The following STMND1 variants were observed in gnomAD, a reference collection of about 807,000 sequenced individuals.
STMND1 encodes stathmin domain containing 1.
Under a neutral mutation model 23.0 loss-of-function variants are expected in STMND1, and 17 were observed. That is an observed-to-expected ratio of 0.74 (90% confidence interval 0.51 to 1.11). The LOEUF (loss-of-function observed/expected upper bound fraction) is 1.11. STMND1 is among the 50% of genes least tolerant of loss of function. STMND1 has a pLI of 0.00. For synonymous variants in STMND1, 114 were observed against 119.9 expected (o/e 0.95, Z 0.32); for missense variants, 305 against 329.1 (o/e 0.93, Z 0.57).
chr6:17,102,373 G>A (rs556783938), intron 1 of STMND1, 35 bp downstream of exon 1: 16 of 1,520,230 alleles, frequency 1.1e-5, no homozygotes, highest in East Asian at 2.5e-5. Context: ...CAAACAAACA[G>A]ACAGAAAGCC....
In STMND1 at chr6:17,129,223, G is replaced by A. The variant is rs1474667444; in HGVS notation, c.523G>A (p.Ala175Thr). The A allele has an allele frequency of 1.3e-6, 2 of 1,535,862 alleles. No individual in the cohort carries two copies. The highest frequency in any genetic ancestry group is 1.7e-6 in the Non-Finnish European group (2 of 1,146,834). Residue 175 changes from alanine (A) to threonine (T), a missense_variant, in exon 4 of 5, where the codon GCT becomes ACT. Ala to Thr is a moderately conservative substitution (Grantham distance 58, BLOSUM62 0). Transcript: ENST00000536551. ...GAAGGACATCGAGGAGAAGATGGAG[G>A]CTGCCGAGGAGCGCAGGAAGGTAGT... The part of the protein sequence containing the change: ...TMKDIEEKME[A>T]AEERRKTKEE...
intron 1 of STMND1, among the ~76,000 whole-genome samples, chr6:17,112,202 C>A (rs1162095479): frequency 6.6e-6 from 1 of 152,126 alleles, no homozygotes; most frequent in Non-Finnish European, 1.5e-5. Context: ...TATAAATTTG[C>A]CTATTCTCAA....
At chr6:17,105,857 G>A (rs1250468455) in intron 1 of STMND1, among the ~76,000 whole-genome samples, 2 of 150,180 alleles carry the variant, frequency 1.3e-5, no homozygotes, top group African/African-American at 4.9e-5. Flanking sequence ...CCTGGGAGGC[G>A]GAACTTGCAG....
In STMND1 at chr6:17,106,761, T is replaced by G. The variant is rs527296636; in HGVS notation, c.81+4423T>G. On this transcript the variant is annotated intron_variant, in intron 1 of 4. Coordinates refer to ENST00000536551, the MANE Select transcript of STMND1 (RefSeq NM_001190766.2). ...TGTTTGCTTGCATGAAATATTTATGTTTCTTAGTAACATGACTTTAAAATA... is the reference window on the plus strand; with the variant it reads ...TGTTTGCTTGCATGAAATATTTATGGTTCTTAGTAACATGACTTTAAAATA... Among the ~76,000 whole-genome samples the G allele has an allele frequency of 3.9e-5, 6 of 152,356 alleles. No homozygotes were observed. In the South Asian group the frequency reaches 6.2e-4, roughly 16 times the overall value.
At chr6:17,130,091 G>A (rs1761367596) in intron 4 of STMND1, among the ~76,000 whole-genome samples, 1 of 152,014 alleles carries the variant, frequency 6.6e-6, no homozygotes, top group Admixed American at 6.5e-5. Context: ...AAGCAGGTTG[G>A]GTGAAAACTA....
At chr6:17,115,274 G>A in intron 2 of STMND1, 135 bp downstream of exon 2, 2 of 758,132 alleles carry the variant, frequency 2.6e-6, no homozygotes, top group Non-Finnish European at 3.9e-6. Context: ...CAGTGTTTTT[G>A]TCTCTGAAAC....
At chr6:17,129,479 CCCCTGTCTCCGCCT>C (rs1332330591) in intron 4 of STMND1, among the ~76,000 whole-genome samples, 1 of 150,492 alleles carries the variant, frequency 6.6e-6, no homozygotes, top group African/African-American at 2.5e-5. Context: ...TCAAGCGGTC[CCCCTGTCTCCGCCT>C]CCTGAGTAGC....
At chr6:17,102,549 TC>T (rs1760957167) in intron 1 of STMND1, among the ~76,000 whole-genome samples, 1 of 152,144 alleles carries the variant, frequency 6.6e-6, no homozygotes, top group African/African-American at 2.4e-5. Flanking sequence ...AATATATCTA[TC>T]TATATCGATA....
chr6:17,106,581 A>G (rs1251542932), intron 1 of STMND1, among the ~76,000 whole-genome samples: 1 of 152,182 alleles, frequency 6.6e-6, no homozygotes, highest in Non-Finnish European at 1.5e-5. Flanking sequence ...AGCCCCAAGC[A>G]CTTGACTTTG....
At chr6:17,113,688 G>A (rs560651750) in intron 1 of STMND1, among the ~76,000 whole-genome samples, 6 of 145,876 alleles carry the variant, frequency 4.1e-5, no homozygotes, top group East Asian at 2.0e-4. Flanking sequence ...GGCTGGTCTC[G>A]AACTCCTGGG....
chr6:17,121,556 G>A (rs141218654), intron 3 of STMND1, among the ~76,000 whole-genome samples: 30 of 152,194 alleles, frequency 2.0e-4, no homozygotes, highest in African/African-American at 5.8e-4. Context: ...TGATCATTAC[G>A]CATGTATCAA....
At chr6:17,104,939 C>T (rs1370281377) in intron 1 of STMND1, among the ~76,000 whole-genome samples, 1 of 152,080 alleles carries the variant, frequency 6.6e-6, no homozygotes, top group African/African-American at 2.4e-5. Context: ...GTTCCACATT[C>T]AGGGATACAA....
chr6:17,106,007 T>C (rs929068009), intron 1 of STMND1, among the ~76,000 whole-genome samples: 1 of 150,916 alleles, frequency 6.6e-6, no homozygotes, highest in African/African-American at 2.5e-5. Context: ...TGCTAACTCC[T>C]CCAGTCTTGT....
intron 3 of STMND1, among the ~76,000 whole-genome samples, chr6:17,123,411 G>C (rs1052686294): frequency 1.3e-5 from 2 of 152,090 alleles, no homozygotes; most frequent in Admixed American, 6.5e-5. Flanking sequence ...CATAAGCCAG[G>C]CTTGCAACAG....
At chr6:17,102,365 A>ACAG (rs1760953468) in intron 1 of STMND1, 27 bp downstream of exon 1, 11 of 1,525,464 alleles carry the variant, frequency 7.2e-6, no homozygotes, top group African/African-American at 1.4e-5. Context: ...CAAACAAACA[A>ACAG]ACAAACAGAC....
intron 2 of STMND1, 140 bp downstream of exon 2, chr6:17,115,279 T>A: frequency 1.3e-6 from 1 of 776,688 alleles, no homozygotes; most frequent in Non-Finnish European, 1.9e-6. Context: ...TTTTTGTCTC[T>A]GAAACATTAG....
At chr6:17,111,198 A>T (rs911479486) in intron 1 of STMND1, among the ~76,000 whole-genome samples, 1 of 152,142 alleles carries the variant, frequency 6.6e-6, no homozygotes, top group African/African-American at 2.4e-5. Flanking sequence ...GGCCATTTTT[A>T]TGCTTTGTTT....
At chr6:17,106,234 C>T (rs1761023258) in intron 1 of STMND1, among the ~76,000 whole-genome samples, 1 of 152,214 alleles carries the variant, frequency 6.6e-6, no homozygotes. Context: ...ACCTCTGCCA[C>T]CATGCTGGCA....
rs535932632 is a variant in STMND1, at chr6:17,120,660, C to A, written c.313C>A (p.Arg105=). The change falls in exon 3 of 5, where the codon CGA becomes AGA. Residue 105 remains arginine, a synonymous_variant. Transcript: ENST00000536551. Reference sequence around the variant, plus strand: ...ACCCCAATCCCTAGAGAGTCGAGAGCGACAGAAGTCATCAGATATCCTGGA... The same window carrying A: ...ACCCCAATCCCTAGAGAGTCGAGAGAGACAGAAGTCATCAGATATCCTGGA... The part of the protein sequence containing the change: ...NKPQSLESRE[R]QKSSDILEEL... The A allele has an allele frequency of 6.5e-7, 1 of 1,534,862 alleles. No individual in the cohort carries two copies. Among genetic ancestry groups the A allele is most frequent in the Non-Finnish European group, 8.7e-7 (1 of 1,146,322 alleles).
Sources: gnomAD v4.1 joint callset for allele counts (sites outside exome capture counted in the v4.1 genomes callset) on GRCh38, gnomAD v4.1.1 for gene constraint, MANE v1.5 for transcripts, NCBI Gene and HGNC (gene_info 2026-07-23, HGNC 2026-07-21) for gene names.